The following AP3D1 variants were observed in gnomAD, a reference collection of about 807,000 sequenced individuals.
AP3D1 encodes adaptor related protein complex 3 subunit delta 1.
Under a neutral mutation model 147.6 loss-of-function variants are expected in AP3D1, and 51 were observed. The ratio of observed to expected loss-of-function variants is 0.35; its 90% CI spans 0.28 to 0.44. The LOEUF is 0.44. Ranked by LOEUF, AP3D1 falls within the 20% of genes least tolerant of loss-of-function variation. The probability of loss-of-function intolerance (pLI) is 1.00; values close to 1 mark genes in which losing one functional copy is unlikely to be tolerated. For synonymous variants in AP3D1, 760 were observed against 663.0 expected, an observed-to-expected ratio of 1.15 and a Z score of -2.25; for missense variants, 1,421 against 1,624.2, an observed-to-expected ratio of 0.87 and a Z score of 2.15.
chr19:2,105,431 ATGAGCGAGCTG>A (rs2018082979), intron 31 of AP3D1, among the ~76,000 whole-genome samples: 1 of 152,380 alleles, frequency 6.6e-6, no homozygotes, highest in East Asian at 1.9e-4. Flanking sequence ...AAACAATAGC[ATGAGCGAGCTG>A]TGTCTTCAGG....
chr19:2,116,265 C>A lies in AP3D1; in HGVS notation c.2015G>T (p.Arg672Leu). 6.2e-7 allele frequency: 1 copy of A among 1,614,046 alleles called. No homozygotes were observed. The highest frequency in any genetic ancestry group is 8.5e-7 in the Non-Finnish European group (1 of 1,179,990). Residue 672 changes from arginine (R) to leucine (L), a missense_variant, in exon 18 of 32, where the codon CGG (arginine) becomes CTG (leucine). Around this residue, in one of 6 missense-constraint regions of AP3D1, gnomAD observed 791 missense variants for 761.4 expected, o/e 1.04. Coordinates refer to ENST00000643116, the MANE Select transcript of AP3D1 (RefSeq NM_001261826.3). ...GGGGTTGTTGGCCTGCTCCTGCTTCCGGGCCTCTCGGCGCTGTGGGACACA... is the reference window on the plus strand; with the variant it reads ...GGGGTTGTTGGCCTGCTCCTGCTTCAGGGCCTCTCGGCGCTGTGGGACACA... Reference protein sequence around the residue: ...EEELARRREARKQEQANNPFY... With the variant: ...EEELARRREALKQEQANNPFY...
intron 11 of AP3D1, 40 bp from the exon 12 acceptor site, chr19:2,121,919 C>A: frequency 1.3e-6 from 2 of 1,576,130 alleles, no homozygotes; most frequent in South Asian, 1.2e-5. Context: ...GGGACGGACA[C>A]AGGCAGCAGG....
chr19:2,114,217 C>G lies in AP3D1; in HGVS notation c.2509G>C (p.Val837Leu). 1 of 1,612,696 alleles carries G rather than the reference C, an allele frequency of 6.2e-7. No homozygotes were observed. The highest frequency in any genetic ancestry group is 8.5e-7 in the Non-Finnish European group (1 of 1,179,574). Residue 837 changes from valine (V) to leucine (L), a missense_variant, in exon 22 of 32, where the codon GTA (valine) becomes CTA (leucine). Physicochemically the swap from Val to Leu is conservative, Grantham distance 32. Around this residue, in one of 6 missense-constraint regions of AP3D1, gnomAD observed 791 missense variants for 761.4 expected, o/e 1.04. Transcript: ENST00000643116. ...TTGGGTTTCTTGCTCTTCTTTTCTA[C>G]CATGGGAACGTCCTTCTCAGGGGAT... ...SKSPEKDVPM[V>L]EKKSKKPKKK...
At chr19:2,114,353 G>T (rs1599449587) in intron 21 of AP3D1, 51 bp from the exon 22 acceptor site, 2 of 1,478,698 alleles carry the variant, frequency 1.4e-6, no homozygotes, top group South Asian at 1.2e-5. Context: ...CCACCCCCCA[G>T]GACCACTCAG....
At chr19:2,133,219 G>A (rs1319795272) in intron 4 of AP3D1, among the ~76,000 whole-genome samples, 1 of 152,160 alleles carries the variant, frequency 6.6e-6, no homozygotes, top group Non-Finnish European at 1.5e-5. Context: ...ACAACTGAGG[G>A]GAAGGGCCCA....
intron 5 of AP3D1, among the ~76,000 whole-genome samples, chr19:2,130,748 C>A (rs1319004859): frequency 1.3e-5 from 2 of 152,226 alleles, no homozygotes; most frequent in African/African-American, 4.8e-5. Context: ...CAGAGAGAGC[C>A]CTCTTCCCTT....
chr19:2,143,212 T>TG (rs1311444172), intron 1 of AP3D1, among the ~76,000 whole-genome samples: 1 of 147,484 alleles, frequency 6.8e-6, no homozygotes, highest in East Asian at 2.0e-4. Flanking sequence ...TACAGGCACG[T>TG]GCCACCATGC....
At chr19:2,136,363 A>G (rs2019077255) in intron 4 of AP3D1, among the ~76,000 whole-genome samples, 1 of 152,164 alleles carries the variant, frequency 6.6e-6, no homozygotes, top group Non-Finnish European at 1.5e-5. Context: ...GCCCTTGCAC[A>G]TGGACATTGG....
intron 31 of AP3D1, among the ~76,000 whole-genome samples, chr19:2,106,608 T>C (rs567049576): frequency 8.3e-4 from 126 of 152,226 alleles, no homozygotes; most frequent in Non-Finnish European, 1.1e-3. Flanking sequence ...AGTTATTTGT[T>C]TAACAACAAT....
intron 6 of AP3D1, 103 bp from the exon 7 acceptor site, chr19:2,129,560 C>G (rs1184858671): frequency 2.9e-6 from 4 of 1,389,558 alleles, no homozygotes; most frequent in Non-Finnish European, 3.9e-6. Context: ...TGCAGCAGCT[C>G]CCACTGAACA....
chr19:2,156,039 C>G (rs1224671428), upstream of AP3D1, among the ~76,000 whole-genome samples: 1 of 143,800 alleles, frequency 7.0e-6, no homozygotes, highest in African/African-American at 2.6e-5. Context: ...GACGACAGAG[C>G]GAGACTCCGT....
chr19:2,117,156 T>C (rs2018479165), intron 16 of AP3D1, 66 bp downstream of exon 16: 5 of 1,512,938 alleles, frequency 3.3e-6, no homozygotes, highest in Non-Finnish European at 4.4e-6. Context: ...GCCCCCGCTG[T>C]GCCACCAGGC....
In AP3D1 at chr19:2,129,438, G is replaced by A. The variant is rs375652867; in HGVS notation, c.612C>T (p.Val204=). ...GTCTGGCCAGCTCGCAGATGACATT[G>A]ACGGCAGCCGACTGAACCCCTGGGG... is the stretch of plus-strand genomic sequence containing the variant. ...DPDPGVQSAA[V]NVICELARRN... The change falls in exon 7 of 32, where the codon GTC becomes GTT. Residue 204 remains valine, a synonymous_variant. Coordinates refer to ENST00000643116, the MANE Select transcript of AP3D1 (RefSeq NM_001261826.3). The A allele has an allele frequency of 7.7e-5, 125 of 1,613,840 alleles. No homozygotes were observed. The African/African-American group carries it at 1.2e-3, about 16-fold the overall frequency.
chr19:2,107,551 T>C (rs1461836607), intron 31 of AP3D1, among the ~76,000 whole-genome samples: 5 of 151,588 alleles, frequency 3.3e-5, no homozygotes, highest in Non-Finnish European at 5.9e-5. Flanking sequence ...CCATCCTGGC[T>C]AACACGGTGA....
intron 14 of AP3D1, among the ~76,000 whole-genome samples, chr19:2,120,414 G>C (rs1485727994): frequency 6.6e-6 from 1 of 152,228 alleles, no homozygotes; most frequent in African/African-American, 2.4e-5. Flanking sequence ...GGCGCAGGCA[G>C]GCTGGGGCTG....
At chr19:2,143,209 A>G (rs2019266849) in intron 1 of AP3D1, among the ~76,000 whole-genome samples, 1 of 145,406 alleles carries the variant, frequency 6.9e-6, no homozygotes, top group South Asian at 2.2e-4. Context: ...GACTACAGGC[A>G]CGTGCCACCA....
At chr19:2,151,106 G>T in intron 1 of AP3D1, 133 bp downstream of exon 1, 1 of 796,230 alleles carries the variant, frequency 1.3e-6, no homozygotes. Context: ...AGGCAGGGCC[G>T]GAGCCCTAAG....
At chr19:2,151,629 A>G (rs1004789779), upstream of AP3D1, 1 of 153,578 alleles carries the variant, frequency 6.5e-6, no homozygotes, top group African/African-American at 2.4e-5. Flanking sequence ...CGCCTCCCAG[A>G]AAGCCCCGCC....
intron 1 of AP3D1, among the ~76,000 whole-genome samples, chr19:2,142,943 T>C (rs1474734542): frequency 6.6e-6 from 1 of 151,750 alleles, no homozygotes; most frequent in East Asian, 1.9e-4. Context: ...TTTATATTTT[T>C]AGTAGAGACA....
Sources: allele counts gnomAD v4.1 joint callset (sites outside exome capture counted in the v4.1 genomes callset), GRCh38; gene constraint gnomAD v4.1.1; regional missense constraint gnomAD v4.1.1; transcripts MANE v1.5; gene names NCBI Gene and HGNC (gene_info 2026-07-23, HGNC 2026-07-21).